The following C21orf58 variants were observed in gnomAD, a reference collection of about 807,000 sequenced individuals.
C21orf58 encodes the protein uncharacterized protein C21orf58.
A neutral mutation model predicts 35.8 loss-of-function variants in C21orf58; 34 were observed. That is an observed-to-expected ratio of 0.95 (90% CI 0.72 to 1.26). The LOEUF (loss-of-function observed/expected upper bound fraction) is 1.26. Among genes scored for constraint, C21orf58 ranks in the 50% most tolerant of loss-of-function variants. The probability of loss-of-function intolerance (pLI) is 0.00; values close to 1 mark genes in which losing one functional copy is unlikely to be tolerated. For missense variants in C21orf58, 440 were observed against 414.3 expected (o/e 1.06, Z -0.54); for synonymous variants, 191 against 175.8 (o/e 1.09, Z -0.68).
Position 46,317,320 on chromosome 21 carries a change from G to A in C21orf58, c.310-52C>T, listed in dbSNP as rs781336729. On this transcript the variant is annotated intron_variant, in intron 2 of 7. Transcript: ENST00000291691. ...GACGGTGGCTCCACGCAAAGGCCCT[G>A]TGTGCTCCAGGAATGACTAAGAGGC... 5 of 1,591,320 alleles carry A rather than the reference G, an allele frequency of 3.1e-6. No individual in the cohort carries two copies. In the Admixed American group the frequency reaches 7.0e-5, roughly 22 times the overall value.
chr21:46,319,914 A>T (rs1268478466), intron 1 of C21orf58, among the ~76,000 whole-genome samples: 26 of 151,984 alleles, frequency 1.7e-4, no homozygotes, highest in Non-Finnish European at 1.2e-4. Flanking sequence ...AAAATAAAAA[A>T]AATAAAAAAA....
At chr21:46,321,194 A>G (rs538509867) in intron 1 of C21orf58, among the ~76,000 whole-genome samples, 1 of 151,970 alleles carries the variant, frequency 6.6e-6, no homozygotes, top group Non-Finnish European at 1.5e-5. Flanking sequence ...TTTGAGACAG[A>G]GTCTCGCTGC....
rs1421941095 is a variant in C21orf58, at chr21:46,323,392, TTTC to T, written c.-657_-655del. ...CTTCTGTCTACTAAAAACCTTTTCT[TTTC>T]TTTTTTTTTTGAGACCTAAGACATC... On this transcript the variant is annotated 5_prime_UTR_variant, in exon 1 of 8. Transcript: ENST00000291691. 2.1e-5 allele frequency: 3 copies of T among 139,844 alleles called. No homozygotes were observed. The highest frequency in any genetic ancestry group is 5.0e-5 in the Non-Finnish European group (3 of 60,602). 8.7% of individuals were successfully genotyped at this position (139,844 alleles called of 1,614,324 possible). A position where few individuals can be genotyped will look rare whatever the true frequency, so the allele number is the denominator to read the frequency against.
In C21orf58 at chr21:46,315,171, C is replaced by T. The variant is rs55975356; in HGVS notation, c.445-291G>A. ...TTTTCTAGGTCTCCCCCTAGAAAAG[C>T]GGCCCCACCTCCCCTGCATCTCTGC... is the stretch of plus-strand genomic sequence containing the variant. On this transcript the variant is annotated intron_variant, in intron 4 of 7. Transcript: ENST00000291691. 0.018 allele frequency: 12,020 copies of T among 682,162 alleles called. 966 individuals are homozygous for T. In the African/African-American group the frequency reaches 0.18, roughly 10 times the overall value. 42.3% of individuals were successfully genotyped at this position (682,162 alleles called of 1,614,324 possible). A position where few individuals can be genotyped will look rare whatever the true frequency, so the allele number is the denominator to read the frequency against.
At chr21:46,316,056 G>A (rs935757529) in intron 3 of C21orf58, among the ~76,000 whole-genome samples, 2 of 152,070 alleles carry the variant, frequency 1.3e-5, no homozygotes, top group Admixed American at 1.3e-4. Context: ...GGTTGCACTG[G>A]GAGGATTGCT....
At chr21:46,320,806 C>G (rs1325612675) in intron 1 of C21orf58, 1 of 152,164 alleles carries the variant, frequency 6.6e-6, no homozygotes, top group Non-Finnish European at 1.5e-5. Flanking sequence ...AACTGGTTAA[C>G]TTTTTTTCCT....
Position 46,301,859 on chromosome 21 carries a change from C to T in C21orf58, c.*140G>A, listed in dbSNP as rs568525856. ...GCCTGCCCAGCTTCCCCAGGAGGAG[C>T]CTGCAGTCCACACTCGCGTAGCCAC... On this transcript the variant is annotated 3_prime_UTR_variant, in exon 8 of 8. Transcript: ENST00000291691. 2.3e-6 allele frequency: 3 copies of T among 1,281,154 alleles called. No homozygotes were observed. The highest frequency in any genetic ancestry group is 8.0e-5 in the Admixed American group (2 of 24,952). The allele number at this position is 1,281,154 out of a possible 1,614,324, so 79.4% of individuals were successfully genotyped here.
At chr21:46,317,854 GT>G (rs1487421621) in intron 2 of C21orf58, among the ~76,000 whole-genome samples, 157 bp downstream of exon 2, 1 of 152,230 alleles carries the variant, frequency 6.6e-6, no homozygotes, top group Non-Finnish European at 1.5e-5. Flanking sequence ...CTCAGAGAAT[GT>G]GAAGACTAAG....
chr21:46,308,680 A>G (rs533677361), intron 6 of C21orf58, among the ~76,000 whole-genome samples: 22 of 151,838 alleles, frequency 1.4e-4, no homozygotes, highest in Admixed American at 7.9e-4. Context: ...TCTCATTGCT[A>G]TGGTTGGAAC....
At chr21:46,321,457 T>C (rs1200917468) in intron 1 of C21orf58, among the ~76,000 whole-genome samples, 3 of 152,242 alleles carry the variant, frequency 2.0e-5, no homozygotes, top group Non-Finnish European at 4.4e-5. Context: ...GTCCCTAATG[T>C]GGTATCCATC....
In C21orf58 at chr21:46,317,285, C is replaced by A. The variant is rs749048505; in HGVS notation, c.310-17G>T. The A allele has an allele frequency of 9.0e-5, 145 of 1,609,696 alleles. No individual in the cohort carries two copies. The highest frequency in any genetic ancestry group is 1.2e-4 in the Non-Finnish European group (140 of 1,178,974). On this transcript the variant is annotated splice_polypyrimidine_tract_variant and intron_variant, in intron 2 of 7. Transcript: ENST00000291691. ...CTCCAGCTTCTGTGAGGAAGAGAGACCGTGACAGAGACGGTGGCTCCACGC... is the reference window on the plus strand; with the variant it reads ...CTCCAGCTTCTGTGAGGAAGAGAGAACGTGACAGAGACGGTGGCTCCACGC...
intron 6 of C21orf58, among the ~76,000 whole-genome samples, chr21:46,307,134 G>A (rs2082456167): frequency 6.7e-6 from 1 of 150,102 alleles, no homozygotes; most frequent in African/African-American, 2.5e-5. Context: ...GACCTCAGGT[G>A]ATCCAGCCTC....
intron 4 of C21orf58, 57 bp downstream of exon 4, chr21:46,315,417 C>A: frequency 9.3e-7 from 1 of 1,078,194 alleles, no homozygotes; most frequent in Non-Finnish European, 1.4e-6. Flanking sequence ...TAAGGCTGAG[C>A]AGCTATCTCT....
At chr21:46,318,899 G>C in intron 1 of C21orf58, 1 of 976,016 alleles carries the variant, frequency 1.0e-6, no homozygotes, top group Non-Finnish European at 1.2e-6. Flanking sequence ...ACGTTGATGA[G>C]TTAGTCAATC....
At chr21:46,312,445 A>G (rs930602030) in intron 5 of C21orf58, among the ~76,000 whole-genome samples, 1 of 152,050 alleles carries the variant, frequency 6.6e-6, no homozygotes, top group Non-Finnish European at 1.5e-5. Flanking sequence ...CAGCCTCCCG[A>G]GTAGCTGGGA....
In C21orf58 at chr21:46,318,015, T is replaced by C; in HGVS notation, c.306A>G (p.Gly102=). 3 of 1,613,310 alleles carry C rather than the reference T, an allele frequency of 1.9e-6. No individual in the cohort carries two copies. Among genetic ancestry groups the C allele is most frequent in the East Asian group, 2.2e-5 (1 of 44,870 alleles). Residue 102 remains glycine, a synonymous_variant, in exon 2 of 8, where the codon GGA becomes GGG. Coordinates refer to ENST00000291691, the MANE Select transcript of C21orf58 (RefSeq NM_058180.5). ...AGCATCCCGGGCTCTGCCTCACCTG[T>C]CCCAAGAGCTTCAGCGTCAGTCGGG... ...QVTRLTLKLL[G]QKLEQERQNV... is the part of the protein sequence containing the mutation.
chr21:46,313,775 T>C (rs1314729363), intron 5 of C21orf58, among the ~76,000 whole-genome samples: 2 of 152,064 alleles, frequency 1.3e-5, no homozygotes, highest in Non-Finnish European at 2.9e-5. Flanking sequence ...CTCTGTACCC[T>C]CCACCATGTG....
chr21:46,311,941 ATCC>A, intron 5 of C21orf58, among the ~76,000 whole-genome samples: 1 of 145,204 alleles, frequency 6.9e-6, no homozygotes, highest in Non-Finnish European at 1.5e-5. Flanking sequence ...CCAACCAACC[ATCC>A]ACCCACCCAT....
chr21:46,314,835 C>T lies in C21orf58; in HGVS notation c.490G>A (p.Gly164Arg), dbSNP rs375276205. 5.0e-5 allele frequency: 78 copies of T among 1,549,846 alleles called. No individual in the cohort carries two copies. Among genetic ancestry groups the T allele is most frequent in the African/African-American group, 3.8e-4 (28 of 73,042 alleles). The change falls in exon 5 of 8, where the codon GGG (glycine) becomes AGG (arginine). Residue 164 changes from glycine (G) to arginine (R), a missense_variant. Gly to Arg is a moderately radical substitution (Grantham distance 125, BLOSUM62 -2). Coordinates refer to ENST00000291691, the MANE Select transcript of C21orf58 (RefSeq NM_058180.5). Reference sequence around the variant, plus strand: ...GACCCGAGGGCTCCTCTGCTTGGCCCGCTCCAGGCCTGGGCCCGAGAGAGC... The same window carrying T: ...GACCCGAGGGCTCCTCTGCTTGGCCTGCTCCAGGCCTGGGCCCGAGAGAGC... ...DELSRAQAWS[G>R]PSRGALGSAL... is the part of the protein sequence containing the mutation.
Sources: allele counts gnomAD v4.1 joint callset (sites outside exome capture counted in the v4.1 genomes callset), GRCh38; gene constraint gnomAD v4.1.1; transcripts MANE v1.5; gene names NCBI Gene and HGNC (gene_info 2026-07-23, HGNC 2026-07-21).